FOXP1: variants seen among roughly 807,000 people sequenced by gnomAD.
FOXP1 encodes forkhead box P1.
Under a neutral mutation model 98.2 loss-of-function variants are expected in FOXP1, and 15 were observed. That is an observed-to-expected ratio of 0.15 (90% CI 0.10 to 0.24). The LOEUF is 0.24. Among genes scored for constraint, FOXP1 ranks in the 10% least tolerant of loss-of-function variants. FOXP1 has a pLI of 1.00. For missense variants in FOXP1, 633 were observed against 848.5 expected (o/e 0.75, Z 3.15); for synonymous variants, 371 against 314.5 (o/e 1.18, Z -1.90).
At chr3:71,280,394 C>T (rs2071409061) in intron 5 of FOXP1, among the ~76,000 whole-genome samples, 1 of 151,178 alleles carries the variant, frequency 6.6e-6, no homozygotes, top group African/African-American at 2.4e-5. Context: ...GATCTCAGCT[C>T]ACTGCAACCT....
At chr3:71,567,808 T>G (rs1248171414) in intron 2 of FOXP1, 1 of 151,812 alleles carries the variant, frequency 6.6e-6, no homozygotes, top group Non-Finnish European at 1.5e-5. Context: ...CGTTCTTTCC[T>G]GAGGCTGCCT....
At chr3:71,473,049 T>C (rs527756341) in intron 3 of FOXP1, among the ~76,000 whole-genome samples, 5 of 152,306 alleles carry the variant, frequency 3.3e-5, no homozygotes, top group South Asian at 4.1e-4. Context: ...ACACATAGCC[T>C]AGCACTAGAG....
intron 3 of FOXP1, among the ~76,000 whole-genome samples, chr3:71,471,988 C>A (rs1473204096): frequency 6.6e-6 from 1 of 152,072 alleles, no homozygotes. Flanking sequence ...CTCCAGTTTG[C>A]CTAATGGTAG....
intron 11 of FOXP1, among the ~76,000 whole-genome samples, chr3:71,029,782 CTA>C (rs1398626529): frequency 1.3e-5 from 2 of 152,222 alleles, no homozygotes; most frequent in East Asian, 1.9e-4. Context: ...GTGTCTGTTT[CTA>C]TGTTTGTTTT....
At chr3:71,518,180 C>CT (rs746088291) in intron 2 of FOXP1, among the ~76,000 whole-genome samples, 20 of 151,964 alleles carry the variant, frequency 1.3e-4, no homozygotes, top group Non-Finnish European at 2.8e-4. Flanking sequence ...ACATGCATCT[C>CT]TAAGAACTCT....
intron 5 of FOXP1, among the ~76,000 whole-genome samples, chr3:71,260,541 T>TTC (rs1459749890): frequency 6.6e-6 from 1 of 151,300 alleles, no homozygotes. Flanking sequence ...CCTTTAATTT[T>TTC]TTTTTTTTTT....
In FOXP1 at chr3:71,568,063, AG is replaced by A. The variant is rs1190507103; in HGVS notation, c.-298+13485del. ...GGAGGGGAGGGGAGGGGAGGGGAAG[AG>A]GGGGGGAGGAGAGGGGAGGGGAAAT... On this transcript the variant is annotated intron_variant, in intron 2 of 20. Coordinates refer to ENST00000649528, the MANE Select transcript of FOXP1 (RefSeq NM_001349338.3). The A allele has an allele frequency of 1.8e-4, 8 of 44,386 alleles. No homozygotes were observed. The East Asian group carries it at 3.7e-3, about 21-fold the overall frequency. The allele number at this position is 44,386 out of a possible 1,614,324, so 2.7% of individuals were successfully genotyped here.
chr3:71,290,839 T>A (rs1161062696), intron 5 of FOXP1, among the ~76,000 whole-genome samples: 2 of 152,180 alleles, frequency 1.3e-5, no homozygotes, highest in Non-Finnish European at 2.9e-5. Flanking sequence ...GCTTAGCTGG[T>A]AATGCATATA....
chr3:71,453,567 G>T (rs895654464), intron 3 of FOXP1, among the ~76,000 whole-genome samples: 3 of 152,126 alleles, frequency 2.0e-5, no homozygotes, highest in Non-Finnish European at 4.4e-5. Context: ...AAAACTCACT[G>T]AAGTTTAACT....
intron 14 of FOXP1, among the ~76,000 whole-genome samples, chr3:70,985,398 T>C (rs551607041): frequency 2.6e-4 from 39 of 152,166 alleles, no homozygotes; most frequent in Non-Finnish European, 4.4e-4. Context: ...TTTTTCTTTT[T>C]GGCAAAGAAG....
intron 2 of FOXP1, among the ~76,000 whole-genome samples, chr3:71,533,457 T>A (rs1979843): frequency 0.63 from 95,655 of 152,106 alleles, 31,594 homozygotes; most frequent in African/African-American, 0.7. Flanking sequence ...CAGCAATATA[T>A]TATATATGGA....
At chr3:71,240,793 C>T (rs2106901913) in intron 5 of FOXP1, among the ~76,000 whole-genome samples, 1 of 151,798 alleles carries the variant, frequency 6.6e-6, no homozygotes, top group South Asian at 2.1e-4. Flanking sequence ...GATCTGCCCG[C>T]CCTGGCCTCC....
intron 2 of FOXP1, among the ~76,000 whole-genome samples, chr3:71,538,722 C>T (rs1285022890): frequency 2.0e-5 from 3 of 152,108 alleles, no homozygotes; most frequent in East Asian, 3.8e-4. Flanking sequence ...TTCTTTGTTG[C>T]GTGTGGTTTG....
chr3:71,272,620 A>G (rs1272678333), intron 5 of FOXP1, among the ~76,000 whole-genome samples: 1 of 150,538 alleles, frequency 6.6e-6, no homozygotes, highest in Non-Finnish European at 1.5e-5. Context: ...CTTCAAAACT[A>G]GAAATTCATT....
intron 7 of FOXP1, among the ~76,000 whole-genome samples, chr3:71,093,148 G>A (rs1007750295): frequency 6.6e-6 from 1 of 151,768 alleles, no homozygotes; most frequent in Non-Finnish European, 1.5e-5. Context: ...CAGCTACTTG[G>A]GAGGCTGAGG....
chr3:71,252,278 G>A (rs1180018099), intron 5 of FOXP1, among the ~76,000 whole-genome samples: 1 of 152,134 alleles, frequency 6.6e-6, no homozygotes, highest in Non-Finnish European at 1.5e-5. Context: ...CCCACACTCA[G>A]ACATTATTAA....
rs1246522700 is a variant in FOXP1, at chr3:70,957,286, AAAAG to A, written c.*1957_*1960del. On this transcript the variant is annotated 3_prime_UTR_variant, in exon 21 of 21. Coordinates refer to ENST00000649528, the MANE Select transcript of FOXP1 (RefSeq NM_001349338.3). ...GTCTCTGTAGAGGTACACAAAAAGA[AAAAG>A]GAAAAATAACTACTAGAAAAAAGTA... The A allele has an allele frequency of 4.4e-6, 1 of 226,664 alleles. No homozygotes were observed. Among genetic ancestry groups the A allele is most frequent in the Non-Finnish European group, 8.8e-6 (1 of 113,934 alleles). 14.0% of individuals were successfully genotyped at this position (226,664 alleles called of 1,614,324 possible).
chr3:71,438,742 G>GA lies in FOXP1; in HGVS notation c.-168+54683dup, dbSNP rs766986643. 5.5e-3 allele frequency among the ~76,000 whole-genome samples: 688 copies of GA among 125,514 alleles called. 1 individual carries two copies. The highest frequency in any genetic ancestry group is 8.2e-3 in the Middle Eastern group (2 of 244). The allele number at this position is 125,514 out of a possible 152,430, so 82.3% of individuals were successfully genotyped here. A position where few individuals can be genotyped will look rare whatever the true frequency, so the allele number is the denominator to read the frequency against. ...TAGGGAGGTTTCAGTCTAATTTGGA[G>GA]AAAAAAAAAAAAAACCAGTCTCCAT... On this transcript the variant is annotated intron_variant, in intron 3 of 20. Coordinates refer to ENST00000649528, the MANE Select transcript of FOXP1 (RefSeq NM_001349338.3).
intron 3 of FOXP1, among the ~76,000 whole-genome samples, chr3:71,442,390 A>C (rs572052284): frequency 1.3e-5 from 2 of 152,254 alleles, no homozygotes; most frequent in Admixed American, 6.5e-5. Context: ...AAAAAAAAAA[A>C]AAACCACATT....
Sources: gnomAD v4.1 joint callset for allele counts (sites outside exome capture counted in the v4.1 genomes callset) on GRCh38, gnomAD v4.1.1 for gene constraint, MANE v1.5 for transcripts, NCBI Gene and HGNC (gene_info 2026-07-23, HGNC 2026-07-21) for gene names.